The following NTM variants were observed in gnomAD, a reference collection of about 807,000 sequenced individuals.
NTM encodes IgLON family member 2.
Under a neutral mutation model 42.1 loss-of-function variants are expected in NTM, and 13 were observed. That is an observed-to-expected ratio of 0.31 (90% confidence interval 0.20 to 0.49). The LOEUF is 0.49. NTM is among the 20% of genes least tolerant of loss of function. The pLI is 0.99. For missense variants in NTM, 373 were observed against 452.8 expected (o/e 0.82, Z 1.60); for synonymous variants, 187 against 179.2 (o/e 1.04, Z -0.35).
chr11:131,509,519 G>T, intron 1 of NTM, among the ~76,000 whole-genome samples: 1 of 152,192 alleles, frequency 6.6e-6, no homozygotes, highest in East Asian at 1.9e-4. Context: ...TCTTAAGCAA[G>T]CAGTTGCTGA....
chr11:131,792,420 C>T (rs1300100632), intron 1 of NTM, among the ~76,000 whole-genome samples: 1 of 152,062 alleles, frequency 6.6e-6, no homozygotes, highest in East Asian at 1.9e-4. Context: ...TTGAATTATT[C>T]CTGGTGGTGG....
At chr11:132,189,665 C>G (rs1007199078) in intron 3 of NTM, among the ~76,000 whole-genome samples, 3 of 151,892 alleles carry the variant, frequency 2.0e-5, no homozygotes, top group African/African-American at 7.3e-5. Context: ...CACACACACA[C>G]ACAGACACAC....
At chr11:131,729,744 A>G (rs1400092552) in intron 1 of NTM, among the ~76,000 whole-genome samples, 1 of 152,170 alleles carries the variant, frequency 6.6e-6, no homozygotes, top group Non-Finnish European at 1.5e-5. Context: ...GTAGCATAAA[A>G]AGCACTTTTT....
chr11:131,882,707 T>C (rs2049737324), intron 1 of NTM, among the ~76,000 whole-genome samples: 1 of 152,324 alleles, frequency 6.6e-6, no homozygotes, highest in East Asian at 1.9e-4. Context: ...TGAGGAATGA[T>C]GTATCTGCTG....
At chr11:132,313,126 C>G (rs2095326814) in intron 6 of NTM, among the ~76,000 whole-genome samples, 1 of 152,120 alleles carries the variant, frequency 6.6e-6, no homozygotes, top group Non-Finnish European at 1.5e-5. Context: ...TGTAATCCCA[C>G]AGAGACAGGT....
At chr11:132,035,926 G>A (rs762091294) in intron 2 of NTM, among the ~76,000 whole-genome samples, 13 of 152,110 alleles carry the variant, frequency 8.5e-5, no homozygotes, top group Admixed American at 2.0e-4. Flanking sequence ...TTATCTCTCC[G>A]TGAGTGTGGA....
intron 3 of NTM, among the ~76,000 whole-genome samples, chr11:132,201,207 C>G (rs1392701510): frequency 6.6e-6 from 1 of 152,172 alleles, no homozygotes; most frequent in African/African-American, 2.4e-5. Context: ...GCACCCTCTA[C>G]CCATGAGTTT....
intron 1 of NTM, among the ~76,000 whole-genome samples, chr11:131,420,681 G>T (rs2135822972): frequency 6.6e-6 from 1 of 152,276 alleles, no homozygotes; most frequent in Non-Finnish European, 1.5e-5. Flanking sequence ...TTTCCCTTCT[G>T]CAGAGCAGCC....
chr11:132,225,251 T>C (rs528863107), intron 4 of NTM, among the ~76,000 whole-genome samples: 1 of 151,762 alleles, frequency 6.6e-6, no homozygotes, highest in East Asian at 1.9e-4. Flanking sequence ...GTGTAGGCAA[T>C]ATTCAATAAA....
At chr11:131,562,083 T>C (rs1444464996) in intron 1 of NTM, among the ~76,000 whole-genome samples, 1 of 152,202 alleles carries the variant, frequency 6.6e-6, no homozygotes, top group Non-Finnish European at 1.5e-5. Flanking sequence ...CAAAGTGTTT[T>C]ATAAGGGTCC....
chr11:131,911,727 T>G, intron 2 of NTM, 79 bp downstream of exon 2: 1 of 1,562,128 alleles, frequency 6.4e-7, no homozygotes, highest in South Asian at 1.1e-5. Flanking sequence ...GTGTGTGCAC[T>G]GAGGCGTGCC....
At chr11:132,183,620 A>G (rs536981105) in intron 3 of NTM, among the ~76,000 whole-genome samples, 1 of 152,172 alleles carries the variant, frequency 6.6e-6, no homozygotes, top group Non-Finnish European at 1.5e-5. Flanking sequence ...CACAAGTGTC[A>G]TCTGAAAAAT....
At chr11:132,129,277 T>TCTAC (rs1283452757) in intron 2 of NTM, among the ~76,000 whole-genome samples, 2 of 152,334 alleles carry the variant, frequency 1.3e-5, no homozygotes, top group Non-Finnish European at 2.9e-5. Context: ...GTATTGTTAC[T>TCTAC]ATTGATGCTC....
intron 1 of NTM, among the ~76,000 whole-genome samples, chr11:131,832,971 A>G (rs2043013309): frequency 6.6e-6 from 1 of 152,230 alleles, no homozygotes; most frequent in African/African-American, 2.4e-5. Flanking sequence ...TAATTTGCTC[A>G]TAGAGTGAAT....
intron 1 of NTM, among the ~76,000 whole-genome samples, chr11:131,754,642 T>C (rs2083081998): frequency 6.7e-6 from 1 of 149,396 alleles, no homozygotes; most frequent in Admixed American, 6.7e-5. Context: ...AAAAAAATGC[T>C]AAACACACAA....
At chr11:131,877,839 G>C (rs2048762671) in intron 1 of NTM, 1 of 152,246 alleles carries the variant, frequency 6.6e-6, no homozygotes, top group South Asian at 2.1e-4. Flanking sequence ...CAGGGGCTCA[G>C]AGTTGCTGTG....
chr11:132,233,346 G>T (rs977108109), intron 4 of NTM, among the ~76,000 whole-genome samples: 2 of 152,150 alleles, frequency 1.3e-5, no homozygotes, highest in South Asian at 4.1e-4. Context: ...GTTGAACCTG[G>T]GAGGCAGAGG....
chr11:131,903,002 C>A (rs777717006), intron 1 of NTM, among the ~76,000 whole-genome samples: 2 of 151,962 alleles, frequency 1.3e-5, no homozygotes, highest in Non-Finnish European at 2.9e-5. Context: ...TAAAACACAG[C>A]AGGATGAGTC....
chr11:132,325,959 T>C (rs974918961), intron 7 of NTM, among the ~76,000 whole-genome samples: 1 of 151,666 alleles, frequency 6.6e-6, no homozygotes, highest in Non-Finnish European at 1.5e-5. Context: ...TAGGTGGGAA[T>C]TGAACAATGA....
Sources: allele counts gnomAD v4.1 joint callset (sites outside exome capture counted in the v4.1 genomes callset), GRCh38; gene constraint gnomAD v4.1.1; transcripts MANE v1.5; gene names NCBI Gene and HGNC (gene_info 2026-07-23, HGNC 2026-07-21).